Variants in WASF1 observed in about 807,000 individuals in gnomAD.
The protein encoded by WASF1 is actin-binding protein WASF1.
In WASF1, 7 loss-of-function variants were observed where a neutral mutation model predicts 50.5. The observed-to-expected ratio is 0.14, with a 90% CI of 0.08 to 0.26. The LOEUF is 0.26. WASF1 is among the 10% of genes least tolerant of loss of function. The pLI is 1.00. For synonymous variants in WASF1, 205 were observed against 244.0 expected (o/e 0.84, Z 1.49); for missense variants, 470 against 694.7 (o/e 0.68, Z 3.64).
In WASF1 at chr6:110,113,443, T is replaced by A; in HGVS notation, c.151A>T (p.Ile51Leu). ...GCTTCATTGAATAATTCTCCAAATA[T>A]ATCTTCAGCATATTTACCTAAGCAA... ...LSSLSKYAED[I>L]FGELFNEAHS... The change falls in exon 5 of 11, where the codon ATA becomes TTA. Residue 51 changes from isoleucine to leucine, a missense_variant. Transcript: ENST00000392589. 6.3e-7 allele frequency: 1 copy of A among 1,598,404 alleles called. No individual in the cohort carries two copies.
intron 3 of WASF1, among the ~76,000 whole-genome samples, chr6:110,142,685 G>A (rs1015472883): frequency 6.6e-6 from 1 of 151,138 alleles, no homozygotes; most frequent in African/African-American, 2.4e-5. Context: ...TAATCATCAA[G>A]CAAATATAAA....
chr6:110,135,537 C>G lies in WASF1; in HGVS notation c.-28-7908G>C, dbSNP rs900325072. 5.3e-5 allele frequency among the ~76,000 whole-genome samples: 8 copies of G among 151,928 alleles called. No individual in the cohort carries two copies. In the South Asian group the frequency reaches 1.7e-3, roughly 32 times the overall value. ...TTTTTGTTGGTAAACAACCCTGCAC[C>G]CTTGGAATTAATCTAATTGTATGAG... On this transcript the variant is annotated intron_variant, in intron 3 of 10. Transcript: ENST00000392589.
chr6:110,177,111 T>C (rs1159136658), intron 2 of WASF1: 1 of 152,042 alleles, frequency 6.6e-6, no homozygotes, highest in African/African-American at 2.4e-5. Flanking sequence ...TATGAATATT[T>C]ACAAACATGA....
chr6:110,164,005 T>G (rs1292165763), intron 2 of WASF1, among the ~76,000 whole-genome samples: 1 of 151,564 alleles, frequency 6.6e-6, no homozygotes, highest in African/African-American at 2.4e-5. Flanking sequence ...GACGTCCACA[T>G]GCAAAAAACT....
chr6:110,154,583 A>C (rs56209747), intron 3 of WASF1, among the ~76,000 whole-genome samples: 8 of 152,040 alleles, frequency 5.3e-5, no homozygotes, highest in Admixed American at 6.6e-5. Context: ...TAGACTTCAC[A>C]ATTTACCCAT....
intron 4 of WASF1, among the ~76,000 whole-genome samples, chr6:110,121,060 G>T (rs1340681603): frequency 3.3e-5 from 5 of 152,152 alleles, no homozygotes; most frequent in African/African-American, 1.2e-4. Context: ...AGATTTAAAT[G>T]TAAGACCTAA....
intron 3 of WASF1, among the ~76,000 whole-genome samples, chr6:110,135,043 T>G (rs556595696): frequency 2.6e-4 from 40 of 152,342 alleles, no homozygotes; most frequent in African/African-American, 8.2e-4. Context: ...ATAATTTCTT[T>G]CAGCAGTGTT....
rs746118391 is a variant in WASF1, at chr6:110,107,207, A to T, written c.423-13T>A. On this transcript the variant is annotated splice_polypyrimidine_tract_variant and intron_variant, in intron 6 of 10. Coordinates refer to ENST00000392589, the MANE Select transcript of WASF1 (RefSeq NM_003931.3). The stretch of plus-strand genomic sequence containing the variant: ...TTTACCATCATCTCTGAAATATAAA[A>T]TATCAATTAAAACACACATTAGTAA... 6.6e-7 allele frequency: 1 copy of T among 1,518,586 alleles called. No individual in the cohort carries two copies. Among genetic ancestry groups the T allele is most frequent in the African/African-American group, 1.4e-5 (1 of 71,392 alleles). 94.1% of individuals were successfully genotyped at this position (1,518,586 alleles called of 1,614,324 possible). A position where few individuals can be genotyped will look rare whatever the true frequency, so the allele number is the denominator to read the frequency against.
intron 3 of WASF1, among the ~76,000 whole-genome samples, chr6:110,130,500 C>T (rs1774615397): frequency 6.6e-6 from 1 of 151,876 alleles, no homozygotes; most frequent in Non-Finnish European, 1.5e-5. Context: ...TATTTTATGC[C>T]TTGCCTTTTT....
chr6:110,173,615 T>C (rs1043128893), intron 2 of WASF1, among the ~76,000 whole-genome samples: 36 of 152,188 alleles, frequency 2.4e-4, no homozygotes, highest in African/African-American at 8.4e-4. Context: ...GGAGGACTTA[T>C]GACAAAGGTA....
At chr6:110,120,957 A>G (rs1190128519) in intron 4 of WASF1, among the ~76,000 whole-genome samples, 3 of 152,220 alleles carry the variant, frequency 2.0e-5, no homozygotes, top group Non-Finnish European at 4.4e-5. Flanking sequence ...TATTTAATAA[A>G]TGGTGCTGGG....
chr6:110,132,520 T>G (rs1198243097), intron 3 of WASF1, among the ~76,000 whole-genome samples: 1 of 151,974 alleles, frequency 6.6e-6, no homozygotes, highest in Non-Finnish European at 1.5e-5. Context: ...TTTAATAGAT[T>G]AAGGAAGTTC....
intron 9 of WASF1, among the ~76,000 whole-genome samples, chr6:110,102,735 G>T (rs548109830): frequency 2.6e-4 from 39 of 152,220 alleles, no homozygotes; most frequent in African/African-American, 8.9e-4. Flanking sequence ...GTCAGTGATA[G>T]AAAATTGGAT....
chr6:110,168,665 C>T (rs1390576019), intron 2 of WASF1, among the ~76,000 whole-genome samples: 1 of 152,042 alleles, frequency 6.6e-6, no homozygotes. Flanking sequence ...GACCCCATCT[C>T]TCTCGAGTAC....
At chr6:110,147,537 G>C (rs1326183450) in intron 3 of WASF1, among the ~76,000 whole-genome samples, 1 of 152,020 alleles carries the variant, frequency 6.6e-6, no homozygotes, top group Non-Finnish European at 1.5e-5. Context: ...GTATGCTAAT[G>C]AAATAATCAA....
chr6:110,109,121 G>A (rs1773447833), intron 5 of WASF1, among the ~76,000 whole-genome samples: 2 of 152,022 alleles, frequency 1.3e-5, no homozygotes, highest in South Asian at 2.1e-4. Flanking sequence ...GGCTAAACAC[G>A]CTGTTAACCT....
intron 4 of WASF1, among the ~76,000 whole-genome samples, chr6:110,117,575 T>C (rs1255996793): frequency 6.6e-6 from 1 of 152,144 alleles, no homozygotes; most frequent in African/African-American, 2.4e-5. Context: ...TGGAACCAAG[T>C]TAGAAAACAT....
At chr6:110,132,322 TTTTA>T (rs1267282614) in intron 3 of WASF1, among the ~76,000 whole-genome samples, 5 of 152,030 alleles carry the variant, frequency 3.3e-5, no homozygotes, top group African/African-American at 7.2e-5. Context: ...ATTTTATATA[TTTTA>T]TTTCTTTTTC....
At chr6:110,104,757 C>A (rs1277224890) in intron 8 of WASF1, among the ~76,000 whole-genome samples, 1 of 152,184 alleles carries the variant, frequency 6.6e-6, no homozygotes, top group Non-Finnish European at 1.5e-5. Flanking sequence ...CCACTGCACT[C>A]CACCCTGGGC....
Sources: gnomAD v4.1 joint callset for allele counts (sites outside exome capture counted in the v4.1 genomes callset) on GRCh38, gnomAD v4.1.1 for gene constraint, MANE v1.5 for transcripts, NCBI Gene and HGNC (gene_info 2026-07-23, HGNC 2026-07-21) for gene names.